Variants in TRAF3IP1 observed in about 807,000 individuals in gnomAD.
TRAF3IP1 encodes the protein TRAF3-interacting protein 1.
A neutral mutation model predicts 89.9 loss-of-function variants in TRAF3IP1; 53 were observed. The observed-to-expected ratio is 0.59, with a 90% CI of 0.47 to 0.74. TRAF3IP1 has a LOEUF of 0.74. TRAF3IP1 is among the 30% of genes least tolerant of loss of function. The pLI is 0.00. For synonymous variants in TRAF3IP1, 311 were observed against 322.1 expected (o/e 0.97, Z 0.37); for missense variants, 806 against 866.1 (o/e 0.93, Z 0.87).
At chr2:238,344,861 C>T (rs1698820802) in intron 9 of TRAF3IP1, 1 of 610,584 alleles carries the variant, frequency 1.6e-6, no homozygotes, top group Non-Finnish European at 3.1e-6. Flanking sequence ...TGGGGGGTGT[C>T]ATGAGTGGTC....
Position 238,374,822 on chromosome 2 carries a change from A to G in TRAF3IP1, c.1689+18742A>G, listed in dbSNP as rs189506605. ...TAATTTCAGAGCCTGTTATTGGTCT[A>G]TTCATATATTCAGCTTCTTTCTGGT... On this transcript the variant is annotated intron_variant, in intron 15 of 16. Coordinates refer to ENST00000373327, the MANE Select transcript of TRAF3IP1 (RefSeq NM_015650.4). Among the ~76,000 whole-genome samples the G allele has an allele frequency of 2.8e-3, 429 of 151,792 alleles. 1 individual carries two copies. Among genetic ancestry groups the G allele is most frequent in the African/African-American group, 9.6e-3 (399 of 41,364 alleles).
chr2:238,325,943 G>T lies in TRAF3IP1; in HGVS notation c.327G>T (p.Gln109His). 6.2e-7 allele frequency: 1 copy of T among 1,613,408 alleles called. No homozygotes were observed. The highest frequency in any genetic ancestry group is 1.1e-5 in the South Asian group (1 of 90,860). ...HEPERTNELL[Q>H]IIGKCCLNKL... ...CTGAAAGAACAAACGAGCTGCTCCA[G>T]ATAATTGGAAAATGCTGTCTCAACA... is the stretch of plus-strand genomic sequence containing the variant. Residue 109 changes from glutamine (Q) to histidine (H), a missense_variant, in exon 3 of 17, where the codon CAG becomes CAT. By Grantham distance (24) the Gln-to-His change is conservative (BLOSUM62 0). This residue lies in a region of TRAF3IP1 where 732 missense variants were observed against 780.5 expected (regional missense o/e 0.94). Coordinates refer to ENST00000373327, the MANE Select transcript of TRAF3IP1 (RefSeq NM_015650.4).
chr2:238,361,143 C>G (rs573935609), intron 15 of TRAF3IP1, among the ~76,000 whole-genome samples: 1 of 151,460 alleles, frequency 6.6e-6, no homozygotes, highest in East Asian at 2.0e-4. Context: ...GCCTCCCAGG[C>G]TCAAGTGATC....
rs1431185884 is a variant in TRAF3IP1 at position 238,379,223 on chromosome 2, C to T, written c.1690-18236C>T. ...ACCCCCACCCCATTTAAGTCCCTGC[C>T]CACGAGTCTCCTCTTCAGAGAGGCC... On this transcript the variant is annotated intron_variant, in intron 15 of 16. Transcript: ENST00000373327. The surrounding 1 kb of genome is among the most constrained non-coding windows in gnomAD (Gnocchi z 4.0). 2.0e-5 allele frequency among the ~76,000 whole-genome samples: 3 copies of T among 152,190 alleles called. No individual in the cohort carries two copies. The East Asian group carries it at 5.8e-4, about 29-fold the overall frequency.
chr2:238,376,626 T>C (rs1208628963), intron 15 of TRAF3IP1, among the ~76,000 whole-genome samples: 1 of 152,230 alleles, frequency 6.6e-6, no homozygotes, highest in Non-Finnish European at 1.5e-5. Flanking sequence ...AGTGAATGTT[T>C]ATAATTTGAT....
chr2:238,335,243 AT>A (rs150319963), intron 7 of TRAF3IP1, among the ~76,000 whole-genome samples: 126 of 152,166 alleles, frequency 8.3e-4, no homozygotes, highest in Non-Finnish European at 1.5e-3. Flanking sequence ...AGAGGTGAAG[AT>A]TTGTGCTTTA....
intron 15 of TRAF3IP1, among the ~76,000 whole-genome samples, chr2:238,357,102 T>C (rs191353078): frequency 1.3e-5 from 2 of 152,284 alleles, no homozygotes; most frequent in Admixed American, 1.3e-4. Context: ...GTCTTTTTTT[T>C]AAATACATGT....
intron 6 of TRAF3IP1, among the ~76,000 whole-genome samples, chr2:238,333,715 G>T (rs937797555): frequency 6.6e-6 from 1 of 152,190 alleles, no homozygotes; most frequent in Non-Finnish European, 1.5e-5. Flanking sequence ...GGAGCAGATT[G>T]TTGACCTTTT....
At chr2:238,326,663 G>C (rs1488085687) in intron 3 of TRAF3IP1, among the ~76,000 whole-genome samples, 1 of 152,114 alleles carries the variant, frequency 6.6e-6, no homozygotes, top group Non-Finnish European at 1.5e-5. Flanking sequence ...GTAGTGCCCT[G>C]TGGAGGAGCA....
intron 15 of TRAF3IP1, among the ~76,000 whole-genome samples, chr2:238,361,577 C>T (rs950019634): frequency 6.6e-5 from 10 of 152,038 alleles, no homozygotes; most frequent in Admixed American, 2.0e-4. Context: ...TTCCTTACCC[C>T]GCCTTTGTAC....
chr2:238,353,708 A>G (rs935779586), intron 14 of TRAF3IP1, among the ~76,000 whole-genome samples: 2 of 152,092 alleles, frequency 1.3e-5, no homozygotes, highest in Non-Finnish European at 2.9e-5. Flanking sequence ...CCTGGCACCT[A>G]TCACAGGTGA....
intron 5 of TRAF3IP1, among the ~76,000 whole-genome samples, chr2:238,331,463 C>T (rs539180146): frequency 2.0e-5 from 3 of 152,220 alleles, no homozygotes; most frequent in East Asian, 3.9e-4. Flanking sequence ...GGTGACAGAG[C>T]GAGACTCCGT....
intron 15 of TRAF3IP1, among the ~76,000 whole-genome samples, chr2:238,370,151 T>C (rs1292664786): frequency 6.6e-6 from 1 of 152,110 alleles, no homozygotes; most frequent in East Asian, 1.9e-4. Flanking sequence ...GGGGAAAATG[T>C]ATGTGTCTGT....
Position 238,356,080 on chromosome 2 carries a change from G to A in TRAF3IP1, c.1689G>A (p.Lys563=). Residue 563 remains lysine, a splice_region_variant and synonymous_variant, in exon 15 of 17, where the codon AAG becomes AAA. Transcript: ENST00000373327. ...KLQQSPKPGE[K]ERSLFESAWK... ...AGCAGTCACCCAAACCTGGGGAGAAGGTAATGGAATGATTTCCATAAACAC... is the reference window on the plus strand; with the variant it reads ...AGCAGTCACCCAAACCTGGGGAGAAAGTAATGGAATGATTTCCATAAACAC... 4 of 1,611,932 alleles carry A rather than the reference G, an allele frequency of 2.5e-6. No individual in the cohort carries two copies. Among genetic ancestry groups the A allele is most frequent in the Non-Finnish European group, 3.4e-6 (4 of 1,178,250 alleles).
intron 15 of TRAF3IP1, among the ~76,000 whole-genome samples, chr2:238,371,392 G>C (rs954041786): frequency 2.6e-5 from 4 of 152,158 alleles, no homozygotes; most frequent in Non-Finnish European, 5.9e-5. Flanking sequence ...ATTTGCTGTA[G>C]ACTTCTCTGT....
chr2:238,382,711 A>G (rs145589881), intron 15 of TRAF3IP1, among the ~76,000 whole-genome samples: 14 of 152,138 alleles, frequency 9.2e-5, no homozygotes, highest in Non-Finnish European at 1.8e-4. Flanking sequence ...CTGGCTCAGC[A>G]TAGGGCATCA....
intron 15 of TRAF3IP1, among the ~76,000 whole-genome samples, chr2:238,394,674 A>C (rs2106382119): frequency 6.6e-6 from 1 of 152,300 alleles, no homozygotes; most frequent in African/African-American, 2.4e-5. Flanking sequence ...TAGTTGTATG[A>C]GTTTTACGTT....
intron 15 of TRAF3IP1, among the ~76,000 whole-genome samples, chr2:238,375,107 G>C (rs1342344953): frequency 6.6e-6 from 1 of 152,058 alleles, no homozygotes; most frequent in Non-Finnish European, 1.5e-5. Context: ...TTTTCTGAAG[G>C]TCTTTTTGTG....
At chr2:238,367,988 A>AG (rs1283888124) in intron 15 of TRAF3IP1, among the ~76,000 whole-genome samples, 1 of 151,340 alleles carries the variant, frequency 6.6e-6, no homozygotes, top group African/African-American at 2.4e-5. Flanking sequence ...TGAAAAAAAA[A>AG]AGGGAAATTT....
Sources: gnomAD v4.1 joint callset for allele counts (sites outside exome capture counted in the v4.1 genomes callset) on GRCh38, gnomAD v4.1.1 for gene constraint, gnomAD v4.1.1 regional missense constraint, Gnocchi (gnomAD v3.1) non-coding constraint, MANE v1.5 for transcripts, NCBI Gene and HGNC (gene_info 2026-07-23, HGNC 2026-07-21) for gene names.